PTPRD: variants seen among roughly 807,000 people sequenced by gnomAD.
PTPRD encodes the protein receptor-type tyrosine-protein phosphatase delta.
A neutral mutation model predicts 214.5 loss-of-function variants in PTPRD; 34 were observed. The ratio of observed to expected loss-of-function variants is 0.16; its 90% CI spans 0.12 to 0.21. The LOEUF is 0.21. PTPRD is among the 10% of genes least tolerant of loss of function. PTPRD has a pLI of 1.00. For missense variants in PTPRD, 2,545 were observed against 2,398.7 expected, an observed-to-expected ratio of 1.06 and a Z score of -1.27; for synonymous variants, 1,128 against 845.7, an observed-to-expected ratio of 1.33 and a Z score of -5.79.
intron 2 of PTPRD, among the ~76,000 whole-genome samples, chr9:10,528,665 C>T (rs930778001): frequency 6.6e-6 from 1 of 152,162 alleles, no homozygotes; most frequent in African/African-American, 2.4e-5. Flanking sequence ...AGTTGACACA[C>T]AACTTGTCCA....
intron 11 of PTPRD, among the ~76,000 whole-genome samples, chr9:8,892,708 C>G (rs1230984457): frequency 7.5e-6 from 1 of 132,746 alleles, no homozygotes; most frequent in Non-Finnish European, 1.6e-5. Flanking sequence ...TATATGTGTG[C>G]GTATATGTGT....
intron 9 of PTPRD, among the ~76,000 whole-genome samples, chr9:9,374,432 A>G (rs994646459): frequency 6.6e-6 from 1 of 152,174 alleles, no homozygotes; most frequent in Non-Finnish European, 1.5e-5. Context: ...ATTTCTGGGA[A>G]AATTGAAAGG....
chr9:10,599,468 C>T (rs2077445784), intron 2 of PTPRD, among the ~76,000 whole-genome samples: 2 of 151,630 alleles, frequency 1.3e-5, no homozygotes, highest in Non-Finnish European at 3.0e-5. Context: ...TTAACAAATA[C>T]TTTAAATGTA....
At chr9:9,121,017 C>T (rs148347507) in intron 10 of PTPRD, among the ~76,000 whole-genome samples, 11 of 152,262 alleles carry the variant, frequency 7.2e-5, no homozygotes, top group African/African-American at 2.6e-4. Context: ...TTATTATTAT[C>T]TGCTTTTAGC....
chr9:8,764,657 T>C (rs941175200), intron 11 of PTPRD, among the ~76,000 whole-genome samples: 1 of 151,836 alleles, frequency 6.6e-6, no homozygotes, highest in African/African-American at 2.4e-5. Flanking sequence ...TAACCGGGTA[T>C]AGTGGTGCGT....
intron 9 of PTPRD, among the ~76,000 whole-genome samples, chr9:9,193,869 T>TA (rs1411325549): frequency 1.3e-5 from 2 of 152,038 alleles, no homozygotes; most frequent in African/African-American, 4.8e-5. Context: ...TATTTTAAAA[T>TA]GTTTTTTCTC....
intron 7 of PTPRD, among the ~76,000 whole-genome samples, chr9:9,638,781 T>C (rs1044180351): frequency 2.6e-5 from 4 of 152,172 alleles, no homozygotes; most frequent in Admixed American, 2.0e-4. Context: ...TTATAACCAA[T>C]AGACAGTCCT....
At chr9:10,576,593 G>C (rs2069436357) in intron 2 of PTPRD, among the ~76,000 whole-genome samples, 1 of 152,082 alleles carries the variant, frequency 6.6e-6, no homozygotes, top group Non-Finnish European at 1.5e-5. Context: ...GATAAAGGTT[G>C]ACTGATTTTC....
At chr9:8,837,659 G>C (rs962937750) in intron 11 of PTPRD, among the ~76,000 whole-genome samples, 1 of 151,832 alleles carries the variant, frequency 6.6e-6, no homozygotes, top group East Asian at 1.9e-4. Flanking sequence ...ACCATGCCTC[G>C]CTAAACTTTT....
intron 12 of PTPRD, among the ~76,000 whole-genome samples, chr9:8,697,744 T>C (rs958235183): frequency 1.3e-5 from 2 of 151,536 alleles, no homozygotes; most frequent in Non-Finnish European, 2.9e-5. Flanking sequence ...TAAAGACAGG[T>C]GTGTATGTGT....
chr9:9,923,120 G>T (rs557428071), intron 5 of PTPRD, among the ~76,000 whole-genome samples: 1,803 of 146,408 alleles, frequency 0.012, 12 homozygotes, highest in Non-Finnish European at 0.019. Context: ...TGTGTGTGTG[G>T]GGGGTGTGTG....
chr9:9,746,098 A>C (rs2098455269), intron 6 of PTPRD, among the ~76,000 whole-genome samples: 1 of 152,162 alleles, frequency 6.6e-6, no homozygotes, highest in Admixed American at 6.5e-5. Context: ...ATGCTTAAAA[A>C]AGTTTACTTC....
intron 12 of PTPRD, among the ~76,000 whole-genome samples, chr9:8,663,287 T>C (rs1223496458): frequency 3.3e-5 from 5 of 151,640 alleles, no homozygotes; most frequent in African/African-American, 1.2e-4. Flanking sequence ...AATTGGCTTT[T>C]TTTTTTTTTA....
chr9:8,597,297 A>G (rs2094526618), intron 14 of PTPRD, among the ~76,000 whole-genome samples: 2 of 152,180 alleles, frequency 1.3e-5, no homozygotes, highest in African/African-American at 4.8e-5. Flanking sequence ...AGACAAGAAT[A>G]AGATTGAAAT....
At chr9:10,330,037 A>G (rs1298927000) in intron 3 of PTPRD, among the ~76,000 whole-genome samples, 1 of 151,860 alleles carries the variant, frequency 6.6e-6, no homozygotes, top group Non-Finnish European at 1.5e-5. Context: ...ATAGAACTAT[A>G]TTCCTGTACT....
intron 5 of PTPRD, among the ~76,000 whole-genome samples, chr9:9,916,940 T>C (rs941865248): frequency 3.2e-4 from 48 of 151,574 alleles, no homozygotes; most frequent in African/African-American, 1.1e-3. Context: ...TTAATGGAAA[T>C]TAAACAACAT....
At chr9:8,785,989 G>C (rs1168258762) in intron 11 of PTPRD, among the ~76,000 whole-genome samples, 1 of 151,910 alleles carries the variant, frequency 6.6e-6, no homozygotes, top group African/African-American at 2.4e-5. Context: ...GCTACAGATA[G>C]ATAACAAACA....
At chr9:8,708,679 CAAAAA>C (rs765081509) in intron 12 of PTPRD, among the ~76,000 whole-genome samples, 460 of 39,358 alleles carry the variant, frequency 0.012, 2 homozygotes, top group African/African-American at 0.043. Flanking sequence ...GACTCTGTCT[CAAAAA>C]AAAAAAAAAA....
At chr9:10,199,050 C>A (rs1379850460) in intron 3 of PTPRD, among the ~76,000 whole-genome samples, 2 of 151,800 alleles carry the variant, frequency 1.3e-5, no homozygotes, top group African/African-American at 4.8e-5. Flanking sequence ...CTAATTCTTT[C>A]CAAATTCTTT....
Sources: allele counts gnomAD v4.1 joint callset (sites outside exome capture counted in the v4.1 genomes callset), GRCh38; gene constraint gnomAD v4.1.1; transcripts MANE v1.5; gene names NCBI Gene and HGNC (gene_info 2026-07-23, HGNC 2026-07-21).